The following SS18L1 variants were observed in gnomAD, a reference collection of about 807,000 sequenced individuals.
SS18L1 encodes SS18L1 subunit of BAF chromatin remodeling complex.
Under a neutral mutation model 70.3 loss-of-function variants are expected in SS18L1, and 32 were observed. That is an observed-to-expected ratio of 0.46 (90% CI 0.34 to 0.61). The LOEUF is 0.61. Among genes scored for constraint, SS18L1 ranks in the 20% least tolerant of loss-of-function variants. The pLI is 0.01. For synonymous variants in SS18L1, 237 were observed against 229.7 expected, an observed-to-expected ratio of 1.03 and a Z score of -0.29; for missense variants, 430 against 542.1, an observed-to-expected ratio of 0.79 and a Z score of 2.05.
At chr20:62,155,940 T>A (rs1365324483) in intron 1 of SS18L1, among the ~76,000 whole-genome samples, 1 of 152,094 alleles carries the variant, frequency 6.6e-6, no homozygotes, top group Non-Finnish European at 1.5e-5. Context: ...GGGTGTCCAG[T>A]CTTCCACCTT....
At chr20:62,145,392 T>A (rs750037582) in intron 1 of SS18L1, among the ~76,000 whole-genome samples, 4 of 152,222 alleles carry the variant, frequency 2.6e-5, no homozygotes, top group Non-Finnish European at 4.4e-5. Flanking sequence ...GGGTCTGCTC[T>A]GTTGGTGCCC....
At position 62,161,261 on chromosome 20, in the gene SS18L1, G is replaced by C. The variant is rs527927394; in HGVS notation, c.232-175G>C. ...TGCTCACTCTGCCATCTCCATCTGG[G>C]CCTGGTGCTCTGCGGTCACCTGGCT... On this transcript the variant is annotated intron_variant, in intron 3 of 10. Coordinates refer to ENST00000331758, the MANE Select transcript of SS18L1 (RefSeq NM_198935.3). The surrounding 1 kb of genome is among the most constrained non-coding windows in gnomAD (Gnocchi z 4.4). Among the ~76,000 whole-genome samples the C allele has an allele frequency of 2.6e-5, 4 of 151,026 alleles. No homozygotes were observed. Among genetic ancestry groups the C allele is most frequent in the African/African-American group, 9.7e-5 (4 of 41,122 alleles).
chr20:62,143,797 C>T lies in SS18L1; in HGVS notation c.-24C>T. The T allele has an allele frequency of 1.5e-6, 2 of 1,348,318 alleles. No homozygotes were observed. Among genetic ancestry groups the T allele is most frequent in the Non-Finnish European group, 2.0e-6 (2 of 1,019,630 alleles). 83.5% of individuals were successfully genotyped at this position (1,348,318 alleles called of 1,614,324 possible). A position where few individuals can be genotyped will look rare whatever the true frequency, so the allele number is the denominator to read the frequency against. ...GCCGGAGTATCCACCTCGATGACCA[C>T]GGGCTGAGCCCCGCGCCGCCACCAT... is the stretch of plus-strand genomic sequence containing the variant. On this transcript the variant is annotated 5_prime_UTR_variant, in exon 1 of 11. In the 5' UTR this introduces an upstream ATG that the reference lacks. Transcript: ENST00000331758.
intron 3 of SS18L1, 107 bp downstream of exon 3, chr20:62,160,068 A>G: frequency 8.3e-7 from 1 of 1,202,512 alleles, no homozygotes. Flanking sequence ...TGACTCAGAG[A>G]AACCAAAAAT....
intron 5 of SS18L1, 68 bp downstream of exon 5, chr20:62,162,999 T>C (rs776175314): frequency 9.4e-5 from 146 of 1,556,766 alleles, no homozygotes; most frequent in Admixed American, 2.1e-4. Context: ...CACATGCACG[T>C]TGGACATGTG....
intron 5 of SS18L1, 77 bp downstream of exon 5, chr20:62,163,008 T>C (rs1359017335): frequency 5.2e-6 from 8 of 1,540,752 alleles, no homozygotes; most frequent in Middle Eastern, 3.5e-4. Context: ...GTTGGACATG[T>C]GGTCCCGGGG....
At chr20:62,173,768 C>T (rs1423798336) in intron 9 of SS18L1, among the ~76,000 whole-genome samples, 1 of 152,104 alleles carries the variant, frequency 6.6e-6, no homozygotes, top group African/African-American at 2.4e-5. Flanking sequence ...ATAATCCCAG[C>T]ACTTTGGGAG....
In SS18L1 at chr20:62,161,392, C is replaced by T. The variant is rs369030015; in HGVS notation, c.232-44C>T. ...GGCCTGGCTTGTGGAGGTCGCTCTC[C>T]GTAAATTAACCGTTTTTCCCTGAAA... On this transcript the variant is annotated intron_variant, in intron 3 of 10. Transcript: ENST00000331758. The surrounding 1 kb of genome is among the most constrained non-coding windows in gnomAD (Gnocchi z 4.4). The T allele has an allele frequency of 2.4e-5, 38 of 1,612,372 alleles. No homozygotes were observed. Among genetic ancestry groups the T allele is most frequent in the African/African-American group, 4.0e-5 (3 of 74,956 alleles).
At chr20:62,160,196 T>A (rs372149332) in intron 3 of SS18L1, among the ~76,000 whole-genome samples, 2 of 136,506 alleles carry the variant, frequency 1.5e-5, no homozygotes, top group Admixed American at 7.5e-5. Flanking sequence ...AGCCTCGTTA[T>A]GTATTGAAGG....
chr20:62,176,847 C>T (rs1482618502), intron 10 of SS18L1, among the ~76,000 whole-genome samples: 4 of 152,206 alleles, frequency 2.6e-5, no homozygotes, highest in African/African-American at 7.2e-5. Context: ...TAGAATTTCA[C>T]ATCTGGGGGG....
intron 1 of SS18L1, among the ~76,000 whole-genome samples, chr20:62,154,040 C>G (rs2057179538): frequency 6.6e-6 from 1 of 152,184 alleles, no homozygotes; most frequent in African/African-American, 2.4e-5. Context: ...ACTTGGTGCC[C>G]CTTTACTCCC....
In SS18L1 at chr20:62,158,633, G is replaced by A. The variant is rs1295815411; in HGVS notation, c.70-39G>A. On this transcript the variant is annotated intron_variant, in intron 1 of 10. Transcript: ENST00000331758. The surrounding 1 kb of genome is among the most constrained non-coding windows in gnomAD (Gnocchi z 4.5). ...CTGTTCATCCCGAGGGTCAGCGACAGCCCCGCGTCGGCAGCGCCCGCTCAC... is the reference window on the plus strand; with the variant it reads ...CTGTTCATCCCGAGGGTCAGCGACAACCCCGCGTCGGCAGCGCCCGCTCAC... The A allele has an allele frequency of 6.2e-7, 1 of 1,605,846 alleles. No homozygotes were observed. The highest frequency in any genetic ancestry group is 1.1e-5 in the South Asian group (1 of 90,700).
chr20:62,148,936 G>A (rs1027860732), intron 1 of SS18L1, among the ~76,000 whole-genome samples: 3 of 152,356 alleles, frequency 2.0e-5, no homozygotes, highest in East Asian at 1.9e-4. Context: ...TCCAGTCGCC[G>A]GGTGTGGAGT....
rs937563269 is a variant in SS18L1, at chr20:62,161,382, G to A, written c.232-54G>A. On this transcript the variant is annotated intron_variant, in intron 3 of 10. Transcript: ENST00000331758. This position sits in a 1 kb window ranked among gnomAD's most constrained non-coding sequence, Gnocchi z 4.4. ...TCTCATCCCTGGCCTGGCTTGTGGA[G>A]GTCGCTCTCCGTAAATTAACCGTTT... is the stretch of plus-strand genomic sequence containing the variant. 1.9e-5 allele frequency: 30 copies of A among 1,611,926 alleles called. No individual in the cohort carries two copies. In the African/African-American group the frequency reaches 3.5e-4, roughly 19 times the overall value.
In SS18L1 at chr20:62,174,855, C is replaced by T. The variant is rs1428495507; in HGVS notation, c.1164+211C>T. On this transcript the variant is annotated intron_variant, in intron 10 of 10. Transcript: ENST00000331758. The surrounding 1 kb of genome is among the most constrained non-coding windows in gnomAD (Gnocchi z 4.1). The stretch of plus-strand genomic sequence containing the variant: ...AGTCATCCAGCTGGCTTTTCATACC[C>T]TAAGCTCACCGTTAGATCTGCACGC... 6.9e-7 allele frequency: 1 copy of T among 1,442,912 alleles called. No individual in the cohort carries two copies. The allele number at this position is 1,442,912 out of a possible 1,614,324, so 89.4% of individuals were successfully genotyped here. A position where few individuals can be genotyped will look rare whatever the true frequency, so the allele number is the denominator to read the frequency against.
chr20:62,170,077 G>T (rs1038514738), intron 8 of SS18L1, among the ~76,000 whole-genome samples: 1 of 152,172 alleles, frequency 6.6e-6, no homozygotes. Context: ...CATGTTCCTC[G>T]TGGCTCATTG....
intron 10 of SS18L1, among the ~76,000 whole-genome samples, chr20:62,177,853 C>T (rs1027864870): frequency 1.3e-5 from 2 of 151,758 alleles, no homozygotes; most frequent in African/African-American, 4.8e-5. Context: ...TCCGGAGTAG[C>T]TGGGATTACA....
chr20:62,172,766 G>C lies in SS18L1; in HGVS notation c.1001G>C (p.Ser334Thr). 6.2e-7 allele frequency: 1 copy of C among 1,614,048 alleles called. No individual in the cohort carries two copies. The highest frequency in any genetic ancestry group is 8.5e-7 in the Non-Finnish European group (1 of 1,180,002). Residue 334 changes from serine (S) to threonine (T), a missense_variant, in exon 9 of 11, where the codon AGC becomes ACC. By Grantham distance (58) the Ser-to-Thr change is moderately conservative. Coordinates refer to ENST00000331758, the MANE Select transcript of SS18L1 (RefSeq NM_198935.3). ...ACGTACTCCCAGCAGCAGTACCCCA[G>C]CCAGCAGAGCTACCCCGGGCAGCAG... ...QQTYSQQQYP[S>T]QQSYPGQQQG...
At chr20:62,146,194 T>G (rs1490370763) in intron 1 of SS18L1, among the ~76,000 whole-genome samples, 1 of 152,218 alleles carries the variant, frequency 6.6e-6, no homozygotes, top group African/African-American at 2.4e-5. Flanking sequence ...CTTCAAAGCC[T>G]CACTCACGTG....
Sources: gnomAD v4.1 joint callset for allele counts (sites outside exome capture counted in the v4.1 genomes callset) on GRCh38, gnomAD v4.1.1 for gene constraint, Gnocchi (gnomAD v3.1) non-coding constraint, MANE v1.5 for transcripts, NCBI Gene and HGNC (gene_info 2026-07-23, HGNC 2026-07-21) for gene names.